The following ADGRB1 variants were observed in gnomAD, a reference collection of about 807,000 sequenced individuals.
The protein encoded by ADGRB1 is brain-specific angiogenesis inhibitor 1.
Under a neutral mutation model 175.7 loss-of-function variants are expected in ADGRB1, and 36 were observed. The ratio of observed to expected loss-of-function variants is 0.20; its 90% CI spans 0.16 to 0.27. The LOEUF is 0.27. ADGRB1 is among the 10% of genes least tolerant of loss of function. The probability of loss-of-function intolerance (pLI) is 1.00; values close to 1 mark genes in which losing one functional copy is unlikely to be tolerated. For missense variants in ADGRB1, 1,731 were observed against 2,255.3 expected (o/e 0.77, Z 4.71); for synonymous variants, 1,054 against 979.4 (o/e 1.08, Z -1.42).
chr8:142,469,157 ATGTG>A (rs113952171), intron 2 of ADGRB1, among the ~76,000 whole-genome samples: 3 of 6,040 alleles, frequency 5.0e-4, no homozygotes, highest in African/African-American at 1.1e-3. Context: ...GCATGCGTGC[ATGTG>A]TGTGTGTGTG....
chr8:142,471,498 C>T (rs1840658933), intron 2 of ADGRB1, among the ~76,000 whole-genome samples: 1 of 152,222 alleles, frequency 6.6e-6, no homozygotes, highest in South Asian at 2.1e-4. Flanking sequence ...ATTCTCAGGC[C>T]AAGGAGCACC....
chr8:142,471,095 G>C (rs1006680760), intron 2 of ADGRB1, among the ~76,000 whole-genome samples: 1 of 152,034 alleles, frequency 6.6e-6, no homozygotes, highest in Non-Finnish European at 1.5e-5. Context: ...CACTGTCAGG[G>C]GTTTCTGGCT....
intron 2 of ADGRB1, among the ~76,000 whole-genome samples, chr8:142,472,980 C>T (rs184314780): frequency 2.2e-4 from 33 of 152,206 alleles, no homozygotes; most frequent in Admixed American, 1.3e-4. Context: ...GCCAGTGTCC[C>T]GCCCCTCCGA....
intron 17 of ADGRB1, among the ~76,000 whole-genome samples, chr8:142,495,568 A>T (rs1386342356): frequency 6.6e-6 from 1 of 152,066 alleles, no homozygotes; most frequent in Non-Finnish European, 1.5e-5. Context: ...TCTAGGAAAG[A>T]TTCCTTCCTT....
chr8:142,460,193 G>A (rs1839902763), intron 1 of ADGRB1, among the ~76,000 whole-genome samples: 1 of 152,272 alleles, frequency 6.6e-6, no homozygotes, highest in Non-Finnish European at 1.5e-5. Flanking sequence ...GTTGGAGGGT[G>A]GCGGGCAGGT....
In ADGRB1 at chr8:142,543,847, C is replaced by G; in HGVS notation, c.4557+139C>G. On this transcript the variant is annotated intron_variant, in intron 30 of 30. Transcript: ENST00000517894. This position sits in a 1 kb window ranked among gnomAD's most constrained non-coding sequence, Gnocchi z 4.4. ...TCATTCATTCATTCATTCGCCCATC[C>G]CTGAGGGCTGGCCTGACCCTGCCAT... The G allele has an allele frequency of 2.1e-6, 2 of 944,560 alleles. No homozygotes were observed. The highest frequency in any genetic ancestry group is 4.1e-5 in the Admixed American group (2 of 48,238). 58.5% of individuals were successfully genotyped at this position (944,560 alleles called of 1,614,324 possible). A position where few individuals can be genotyped will look rare whatever the true frequency, so the allele number is the denominator to read the frequency against.
At position 142,543,276 on chromosome 8, in the gene ADGRB1, G is replaced by T. The variant is rs748454145; in HGVS notation, c.4414-127G>T. On this transcript the variant is annotated intron_variant, in intron 28 of 30. Coordinates refer to ENST00000517894, the MANE Select transcript of ADGRB1 (RefSeq NM_001702.3). The surrounding 1 kb of genome is among the most constrained non-coding windows in gnomAD (Gnocchi z 4.4). ...GTGCGCCCCCAGGCATGTCCCCTGG[G>T]TCTGGCCTGGTCCCTGAAGGCAGGC... 71 of 1,283,784 alleles carry T rather than the reference G, an allele frequency of 5.5e-5. No individual in the cohort carries two copies. The highest frequency in any genetic ancestry group is 6.2e-5 in the Non-Finnish European group (57 of 912,488). 79.5% of individuals were successfully genotyped at this position (1,283,784 alleles called of 1,614,324 possible).
chr8:142,477,450 C>T lies in ADGRB1; in HGVS notation c.1288C>T (p.Arg430Trp), dbSNP rs76763828. ...LCSSTCGRGF[R>W]DRTRTCRPPQ... is the part of the protein sequence containing the mutation. ...CTCCAGCACCTGTGGCCGTGGCTTT[C>T]GGGATCGCACGCGCACCTGCAGGCC... Residue 430 changes from arginine (R) to tryptophan (W), a missense_variant, in exon 6 of 31, where the codon CGG becomes TGG. By Grantham distance (101) the Arg-to-Trp change is moderately radical (BLOSUM62 -3). Transcript: ENST00000517894. 6.2e-7 allele frequency: 1 copy of T among 1,612,480 alleles called. No individual in the cohort carries two copies. The highest frequency in any genetic ancestry group is 8.5e-7 in the Non-Finnish European group (1 of 1,179,806).
chr8:142,456,699 C>T (rs1839703873), intron 1 of ADGRB1, among the ~76,000 whole-genome samples: 1 of 152,262 alleles, frequency 6.6e-6, no homozygotes, highest in African/African-American at 2.4e-5. Context: ...CTCCCAAATG[C>T]TGGGCCCTGG....
At position 142,474,291 on chromosome 8, in the gene ADGRB1, C is replaced by T. The variant is rs368298882; in HGVS notation, c.785-1183C>T. Among the ~76,000 whole-genome samples, 37 of 152,246 alleles carry T rather than the reference C, an allele frequency of 2.4e-4. No homozygotes were observed. The highest frequency in any genetic ancestry group is 5.8e-4 in the East Asian group (3 of 5,180). ...CCTGCTGTACCTGGGATCGAGCTGC[C>T]GGATCCCCAGTGTTCCCCAGTGGCA... On this transcript the variant is annotated intron_variant, in intron 2 of 30. Coordinates refer to ENST00000517894, the MANE Select transcript of ADGRB1 (RefSeq NM_001702.3). The surrounding 1 kb of genome is among the most constrained non-coding windows in gnomAD (Gnocchi z 5.8).
intron 17 of ADGRB1, among the ~76,000 whole-genome samples, chr8:142,505,734 C>T (rs1273070123): frequency 2.0e-5 from 3 of 152,142 alleles, no homozygotes; most frequent in Admixed American, 6.5e-5. Flanking sequence ...GAGGGCCATG[C>T]GGCCTGACAT....
At chr8:142,530,539 G>C (rs542195391) in intron 24 of ADGRB1, among the ~76,000 whole-genome samples, 1 of 152,174 alleles carries the variant, frequency 6.6e-6, no homozygotes, top group African/African-American at 2.4e-5. Flanking sequence ...TTTAGGAGCC[G>C]TGGGAGAAGA....
Position 142,504,012 on chromosome 8 carries a change from G to T in ADGRB1, c.2676-6920G>T, listed in dbSNP as rs905540809. Among the ~76,000 whole-genome samples the T allele has an allele frequency of 3.9e-5, 6 of 152,220 alleles. No homozygotes were observed. Among genetic ancestry groups the T allele is most frequent in the African/African-American group, 1.4e-4 (6 of 41,460 alleles). On this transcript the variant is annotated intron_variant, in intron 17 of 30. Transcript: ENST00000517894. The surrounding 1 kb of genome is among the most constrained non-coding windows in gnomAD (Gnocchi z 5.6). ...CCCAGGAGCCAGCCTCATAGACAGG[G>T]CACCAAGCCTGAGCAGGCTCCAGCG...
chr8:142,520,757 G>T, intron 19 of ADGRB1, 66 bp from the exon 20 acceptor site: 1 of 1,429,372 alleles, frequency 7.0e-7, no homozygotes, highest in South Asian at 1.2e-5. Flanking sequence ...GGTGCCACAG[G>T]ACCACAGCCC....
chr8:142,455,133 C>T lies in ADGRB1; in HGVS notation c.-220+5029C>T, dbSNP rs936629375. 6.7e-6 allele frequency among the ~76,000 whole-genome samples: 1 copy of T among 149,916 alleles called. No individual in the cohort carries two copies. Among genetic ancestry groups the T allele is most frequent in the African/African-American group, 2.5e-5 (1 of 40,568 alleles). ...CCCCATCACCCCCACCACCATTGCC[C>T]CCGAGGCTACCTCAGCCGCACCCTG... On this transcript the variant is annotated intron_variant, in intron 1 of 30. Transcript: ENST00000517894. The surrounding 1 kb of genome is among the most constrained non-coding windows in gnomAD (Gnocchi z 4.9).
Position 142,542,672 on chromosome 8 carries a change from AC to A in ADGRB1, c.4413+29del. On this transcript the variant is annotated intron_variant, in intron 28 of 30. Transcript: ENST00000517894. The surrounding 1 kb of genome is among the most constrained non-coding windows in gnomAD (Gnocchi z 6.3). ...GGTGAGGGGGGCAGGGGTGGGCCACACCCCAGCCAGCGAGGGCAGGGCTGCA... is the reference window on the plus strand; with the variant it reads ...GGTGAGGGGGGCAGGGGTGGGCCACACCCAGCCAGCGAGGGCAGGGCTGCA... The A allele has an allele frequency of 6.6e-7, 1 of 1,521,732 alleles. No individual in the cohort carries two copies. The highest frequency in any genetic ancestry group is 2.6e-5 in the East Asian group (1 of 38,400). The allele number at this position is 1,521,732 out of a possible 1,614,324, so 94.3% of individuals were successfully genotyped here. A position where few individuals can be genotyped will look rare whatever the true frequency, so the allele number is the denominator to read the frequency against.
chr8:142,542,383 C>T lies in ADGRB1; in HGVS notation c.4149C>T (p.Ala1383=), dbSNP rs912247723. The T allele has an allele frequency of 3.1e-5, 49 of 1,567,958 alleles. No individual in the cohort carries two copies. The highest frequency in any genetic ancestry group is 4.1e-5 in the Non-Finnish European group (47 of 1,158,408). ...CCCGCCTCATCCACCTCAGCACGGC[C>T]CCCGAGGCCAGCCTCCCCGCCCGCA... The part of the protein sequence containing the change: ...PQTRLIHLST[A]PEASLPARSP... The change falls in exon 28 of 31, where the codon GCC becomes GCT. Residue 1383 remains alanine (A), a synonymous_variant. Transcript: ENST00000517894. This position sits in a 1 kb window ranked among gnomAD's most constrained non-coding sequence, Gnocchi z 6.3.
In ADGRB1 at chr8:142,543,296, G is replaced by A; in HGVS notation, c.4414-107G>A. ...CCTGGGTCTGGCCTGGTCCCTGAAG[G>A]CAGGCATGGGGCGAGTGAGTCCCTG... On this transcript the variant is annotated intron_variant, in intron 28 of 30. Coordinates refer to ENST00000517894, the MANE Select transcript of ADGRB1 (RefSeq NM_001702.3). This position sits in a 1 kb window ranked among gnomAD's most constrained non-coding sequence, Gnocchi z 4.4. 6.9e-7 allele frequency: 1 copy of A among 1,456,244 alleles called. No homozygotes were observed. Among genetic ancestry groups the A allele is most frequent in the South Asian group, 1.2e-5 (1 of 81,248 alleles). The allele number at this position is 1,456,244 out of a possible 1,614,324, so 90.2% of individuals were successfully genotyped here.
In ADGRB1 at chr8:142,526,502, G is replaced by A. The variant is rs747529269; in HGVS notation, c.3313-40G>A. 1.3e-5 allele frequency: 18 copies of A among 1,353,554 alleles called. No individual in the cohort carries two copies. In the South Asian group the frequency reaches 1.4e-4, roughly 10 times the overall value. The allele number at this position is 1,353,554 out of a possible 1,614,324, so 83.8% of individuals were successfully genotyped here. A position where few individuals can be genotyped will look rare whatever the true frequency, so the allele number is the denominator to read the frequency against. ...CAGTGTCAGCCCCTGAGCCTACGGC[G>A]GCCCCCACCCCCACACCCCCACCAC... is the stretch of plus-strand genomic sequence containing the variant. On this transcript the variant is annotated intron_variant, in intron 23 of 30. Transcript: ENST00000517894.
Sources: allele counts gnomAD v4.1 joint callset (sites outside exome capture counted in the v4.1 genomes callset), GRCh38; gene constraint gnomAD v4.1.1; non-coding constraint Gnocchi (gnomAD v3.1); transcripts MANE v1.5; gene names NCBI Gene and HGNC (gene_info 2026-07-23, HGNC 2026-07-21).